EPAS1: variants seen among roughly 807,000 people sequenced by gnomAD.
The protein encoded by EPAS1 is endothelial PAS domain-containing protein 1.
In EPAS1, 23 loss-of-function variants were observed where a neutral mutation model predicts 87.9. That is an observed-to-expected ratio of 0.26 (90% CI 0.19 to 0.37). The LOEUF (loss-of-function observed/expected upper bound fraction) is 0.37, where lower values mean the gene tolerates loss of function less well. EPAS1 is among the 10% of genes least tolerant of loss of function. The pLI is 1.00. For synonymous variants in EPAS1, 508 were observed against 444.3 expected (o/e 1.14, Z -1.80); for missense variants, 1,138 against 1,120.7 (o/e 1.02, Z -0.22).
chr2:46,381,375 A>G lies in EPAS1; in HGVS notation c.2046-221A>G, dbSNP rs950134074. On this transcript the variant is annotated intron_variant, in intron 12 of 15. Transcript: ENST00000263734. ...TTGCCCAGCCAGGCAGCCATCCCCC[A>G]GACCAGGAGGCTTGAGCCCTTCAGC... 2.5e-5 allele frequency: 16 copies of G among 650,622 alleles called. No individual in the cohort carries two copies. The African/African-American group carries it at 2.7e-4, about 11-fold the overall frequency. The allele number at this position is 650,622 out of a possible 1,614,324, so 40.3% of individuals were successfully genotyped here.
rs1684184373 is a variant in EPAS1 at position 46,352,420 on chromosome 2, A to C, written c.218-3731A>C. Among the ~76,000 whole-genome samples, 4 of 152,362 alleles carry C rather than the reference A, an allele frequency of 2.6e-5. No individual in the cohort carries two copies. The South Asian group carries it at 8.3e-4, about 32-fold the overall frequency. On this transcript the variant is annotated intron_variant, in intron 2 of 15. Coordinates refer to ENST00000263734, the MANE Select transcript of EPAS1 (RefSeq NM_001430.5). ...CTTCTGGACAGATTACCTTGTGCCT[A>C]GCATAAAGCAGACATGAACACAGTA...
intron 3 of EPAS1, 85 bp downstream of exon 3, chr2:46,356,387 A>C: frequency 1.3e-6 from 2 of 1,552,114 alleles, no homozygotes; most frequent in South Asian, 2.3e-5. Flanking sequence ...CCACAATCCC[A>C]CTTGACCTCT....
intron 1 of EPAS1, among the ~76,000 whole-genome samples, chr2:46,345,201 A>C (rs1397989998): frequency 6.6e-6 from 1 of 152,100 alleles, no homozygotes; most frequent in Non-Finnish European, 1.5e-5. Context: ...GCTGGTCTTG[A>C]ACTCCTGGGC....
At chr2:46,378,866 G>A (rs955543820) in intron 11 of EPAS1, 99 bp downstream of exon 11, 35 of 1,187,822 alleles carry the variant, frequency 2.9e-5, no homozygotes, top group Admixed American at 8.9e-5. Context: ...TTGTTGTAAA[G>A]AGCAGTGGAG....
Position 46,346,753 on chromosome 2 carries a change from A to C in EPAS1, c.27-120A>C. On this transcript the variant is annotated intron_variant, in intron 1 of 15. Transcript: ENST00000263734. The surrounding 1 kb of genome is among the most constrained non-coding windows in gnomAD (Gnocchi z 4.0). The stretch of plus-strand genomic sequence containing the variant: ...TGGCTCAGACAACTGGTGTGAGCCC[A>C]GATCAGTCTAGTAAGGGAGTGTGGC... 1 of 1,013,972 alleles carries C rather than the reference A, an allele frequency of 9.9e-7. No individual in the cohort carries two copies. The highest frequency in any genetic ancestry group is 1.5e-6 in the Non-Finnish European group (1 of 664,704). 62.8% of individuals were successfully genotyped at this position (1,013,972 alleles called of 1,614,324 possible). A position where few individuals can be genotyped will look rare whatever the true frequency, so the allele number is the denominator to read the frequency against.
intron 1 of EPAS1, among the ~76,000 whole-genome samples, chr2:46,302,934 G>A (rs989209615): frequency 3.3e-5 from 5 of 151,986 alleles, no homozygotes; most frequent in South Asian, 2.1e-4. Flanking sequence ...TTAGCCAGGC[G>A]TGGTGGCGTA....
At chr2:46,312,517 T>C (rs898551051) in intron 1 of EPAS1, among the ~76,000 whole-genome samples, 3 of 152,222 alleles carry the variant, frequency 2.0e-5, no homozygotes, top group Non-Finnish European at 2.9e-5. Context: ...AATAGAACTT[T>C]GAAAAGTTTA....
intron 1 of EPAS1, among the ~76,000 whole-genome samples, chr2:46,305,887 A>G (rs1442194274): frequency 6.6e-6 from 1 of 152,190 alleles, no homozygotes; most frequent in African/African-American, 2.4e-5. Context: ...GGTAACCCCC[A>G]TTGCCCTGTA....
intron 6 of EPAS1, among the ~76,000 whole-genome samples, chr2:46,362,455 GA>G (rs1395872379): frequency 6.6e-6 from 1 of 152,148 alleles, no homozygotes; most frequent in Non-Finnish European, 1.5e-5. Context: ...AACCACTTCT[GA>G]AGGCAGTTAG....
chr2:46,377,924 A>G lies in EPAS1; in HGVS notation c.1280A>G (p.Tyr427Cys). The G allele has an allele frequency of 1.9e-6, 3 of 1,554,364 alleles. No individual in the cohort carries two copies. Among genetic ancestry groups the G allele is most frequent in the Non-Finnish European group, 2.6e-6 (3 of 1,148,426 alleles). The change falls in exon 10 of 16, where the codon TAT becomes TGT. Residue 427 changes from tyrosine (Y) to cysteine (C), a missense_variant. Coordinates refer to ENST00000263734, the MANE Select transcript of EPAS1 (RefSeq NM_001430.5). Reference sequence around the variant, plus strand: ...CAGAACTTCGAGGAGTCCTCAGCCTATGGCAAGGCCATCCTGCCCCCGAGC... The same window carrying G: ...CAGAACTTCGAGGAGTCCTCAGCCTGTGGCAAGGCCATCCTGCCCCCGAGC... Reference protein sequence around the residue: ...GNQNFEESSAYGKAILPPSQP... With the variant: ...GNQNFEESSACGKAILPPSQP...
Position 46,381,994 on chromosome 2 carries a change from G to C in EPAS1, c.2192G>C (p.Ser731Thr). ...DLSGGDPPGG[S>T]TSHLMWKRMK... Reference sequence around the variant, plus strand: ...TCCCAGGGGGACCCACCTGGTGGCAGCACCTCACATTTGATGTGGAAACGG... The same window carrying C: ...TCCCAGGGGGACCCACCTGGTGGCACCACCTCACATTTGATGTGGAAACGG... Residue 731 changes from serine to threonine, a missense_variant, in exon 14 of 16, where the codon AGC becomes ACC. Coordinates refer to ENST00000263734, the MANE Select transcript of EPAS1 (RefSeq NM_001430.5). 6.2e-7 allele frequency: 1 copy of C among 1,613,720 alleles called. No homozygotes were observed. The highest frequency in any genetic ancestry group is 8.5e-7 in the Non-Finnish European group (1 of 1,179,872).
intron 4 of EPAS1, among the ~76,000 whole-genome samples, chr2:46,358,026 T>G (rs1282104145): frequency 6.6e-6 from 1 of 152,222 alleles, no homozygotes; most frequent in Non-Finnish European, 1.5e-5. Flanking sequence ...ATGTCCTCTT[T>G]AACAACCTCA....
At chr2:46,345,434 A>G (rs1684004837) in intron 1 of EPAS1, among the ~76,000 whole-genome samples, 1 of 152,208 alleles carries the variant, frequency 6.6e-6, no homozygotes, top group Non-Finnish European at 1.5e-5. Context: ...TTTTGAGTAG[A>G]AGGAGACAGG....
chr2:46,381,290 C>T (rs965805355), intron 12 of EPAS1: 2 of 440,254 alleles, frequency 4.5e-6, no homozygotes, highest in African/African-American at 4.0e-5. Context: ...AACTAGTTTT[C>T]AGTGGGAGCA....
intron 7 of EPAS1, among the ~76,000 whole-genome samples, chr2:46,373,349 C>A (rs1039969530): frequency 6.6e-6 from 1 of 151,976 alleles, no homozygotes; most frequent in African/African-American, 2.4e-5. Context: ...CAGCTTTATT[C>A]ATAATAATCA....
intron 4 of EPAS1, among the ~76,000 whole-genome samples, chr2:46,358,744 A>G (rs1047477300): frequency 2.0e-5 from 3 of 152,224 alleles, no homozygotes; most frequent in South Asian, 2.1e-4. Flanking sequence ...GTCAAACTCA[A>G]TGCAACAGCA....
chr2:46,301,287 G>A (rs992392563), intron 1 of EPAS1, among the ~76,000 whole-genome samples: 1 of 152,118 alleles, frequency 6.6e-6, no homozygotes, highest in Non-Finnish European at 1.5e-5. Flanking sequence ...GTGCTGATAA[G>A]AGTCAGGGCT....
chr2:46,305,137 A>T (rs1346686406), intron 1 of EPAS1, among the ~76,000 whole-genome samples: 2 of 152,156 alleles, frequency 1.3e-5, no homozygotes, highest in African/African-American at 4.8e-5. Context: ...TGTAATTTTC[A>T]AGTAGATGTT....
In EPAS1 at chr2:46,382,547, T is replaced by C; in HGVS notation, c.2410T>C (p.Tyr804His). The C allele has an allele frequency of 1.9e-6, 3 of 1,614,148 alleles. No individual in the cohort carries two copies. Among genetic ancestry groups the C allele is most frequent in the Non-Finnish European group, 2.5e-6 (3 of 1,180,038 alleles). ...NSKSRFPPQCYATQYQDYSLS... is the reference protein window; with the variant it reads ...NSKSRFPPQCHATQYQDYSLS... ...CAAGAGCAGGTTCCCCCCACAGTGC[T>C]ACGCCACCCAGTACCAGGACTACAG... is the stretch of plus-strand genomic sequence containing the variant. Residue 804 changes from tyrosine to histidine, a missense_variant, in exon 15 of 16, where the codon TAC (tyrosine) becomes CAC (histidine). By Grantham distance (83) the Tyr-to-His change is moderately conservative (BLOSUM62 2). Transcript: ENST00000263734.
Sources: gnomAD v4.1 joint callset for allele counts (sites outside exome capture counted in the v4.1 genomes callset) on GRCh38, gnomAD v4.1.1 for gene constraint, Gnocchi (gnomAD v3.1) non-coding constraint, MANE v1.5 for transcripts, NCBI Gene and HGNC (gene_info 2026-07-23, HGNC 2026-07-21) for gene names.